The following ATP2B2 variants were observed in gnomAD, a reference collection of about 807,000 sequenced individuals.
ATP2B2 encodes ATPase plasma membrane Ca2+ transporting 2.
In ATP2B2, 15 loss-of-function variants were observed where a neutral mutation model predicts 120.0. The observed-to-expected ratio is 0.12, with a 90% CI of 0.08 to 0.19. The LOEUF (loss-of-function observed/expected upper bound fraction) is 0.19. Among genes scored for constraint, ATP2B2 ranks in the 10% least tolerant of loss-of-function variants. ATP2B2 has a pLI of 1.00. For missense variants in ATP2B2, 1,045 were observed against 1,719.8 expected, an observed-to-expected ratio of 0.61 and a Z score of 6.94; for synonymous variants, 694 against 700.3, an observed-to-expected ratio of 0.99 and a Z score of 0.14.
chr3:10,591,476 G>GA (rs1482001842), intron 2 of ATP2B2, among the ~76,000 whole-genome samples: 4 of 152,078 alleles, frequency 2.6e-5, no homozygotes, highest in Admixed American at 6.5e-5. Context: ...TCACCACTGT[G>GA]GCGCCCTGCT....
At chr3:10,425,131 A>T (rs971040618) in intron 2 of ATP2B2, among the ~76,000 whole-genome samples, 1 of 147,294 alleles carries the variant, frequency 6.8e-6, no homozygotes, top group Non-Finnish European at 1.5e-5. Context: ...TCTCTACTAA[A>T]ATATATATAT....
At chr3:10,488,187 A>G (rs1390592967) in intron 1 of ATP2B2, among the ~76,000 whole-genome samples, 1 of 149,158 alleles carries the variant, frequency 6.7e-6, no homozygotes, top group African/African-American at 2.5e-5. Context: ...CCACCCATCT[A>G]TCCATCCACC....
rs1337333315 is a variant in ATP2B2, at chr3:10,343,401, A to AC, written c.2704-437dup. Among the ~76,000 whole-genome samples, 6 of 25,168 alleles carry AC rather than the reference A, an allele frequency of 2.4e-4. No individual in the cohort carries two copies. The highest frequency in any genetic ancestry group is 7.6e-4 in the African/African-American group (5 of 6,550). 16.5% of individuals were successfully genotyped at this position (25,168 alleles called of 152,430 possible). ...ATCCTACAAACAGTGCCCGTCCCCC[A>AC]CCCCCCCAATGTCTCCTCCCCTCTT... is the stretch of plus-strand genomic sequence containing the variant. On this transcript the variant is annotated intron_variant, in intron 18 of 22. Coordinates refer to ENST00000360273, the MANE Select transcript of ATP2B2 (RefSeq NM_001001331.4). This position sits in a 1 kb window ranked among gnomAD's most constrained non-coding sequence, Gnocchi z 4.2.
intron 1 of ATP2B2, among the ~76,000 whole-genome samples, chr3:10,664,038 T>C (rs2070859611): frequency 6.6e-6 from 1 of 152,082 alleles, no homozygotes; most frequent in African/African-American, 2.4e-5. Flanking sequence ...CGTTGACTGC[T>C]CATGTCCACC....
rs1357704328 is a variant in ATP2B2, at chr3:10,402,257, A to G, written c.489T>C (p.Cys163=). ...EGAAILLSVI[C]VVLVTAFNDW... ...CATTGAAGGCCGTGACCAGGACCAC[A>G]CAGATAACTGAGAGGAGAATGGCGG... is the stretch of plus-strand genomic sequence containing the variant. The change falls in exon 4 of 23, where the codon TGT becomes TGC. Residue 163 remains cysteine, a synonymous_variant. Coordinates refer to ENST00000360273, the MANE Select transcript of ATP2B2 (RefSeq NM_001001331.4). This position sits in a 1 kb window ranked among gnomAD's most constrained non-coding sequence, Gnocchi z 4.9. 1 of 1,614,018 alleles carries G rather than the reference A, an allele frequency of 6.2e-7. No individual in the cohort carries two copies. The highest frequency in any genetic ancestry group is 8.5e-7 in the Non-Finnish European group (1 of 1,180,038).
At chr3:10,473,575 G>A (rs1258195389) in intron 1 of ATP2B2, among the ~76,000 whole-genome samples, 1 of 152,210 alleles carries the variant, frequency 6.6e-6, no homozygotes, top group East Asian at 1.9e-4. Context: ...AGTTGGCAGT[G>A]AGCCAAGATT....
At chr3:10,634,123 G>A (rs1177167458) in intron 1 of ATP2B2, among the ~76,000 whole-genome samples, 2 of 152,214 alleles carry the variant, frequency 1.3e-5, no homozygotes, top group African/African-American at 2.4e-5. Context: ...GCAACCATGA[G>A]GCTGACACAA....
At chr3:10,470,930 C>A (rs1260568229) in intron 1 of ATP2B2, among the ~76,000 whole-genome samples, 2 of 152,198 alleles carry the variant, frequency 1.3e-5, no homozygotes, top group East Asian at 3.8e-4. Context: ...TGACCTGGGA[C>A]CCACTGACAG....
intron 1 of ATP2B2, among the ~76,000 whole-genome samples, chr3:10,495,923 G>A (rs1047115811): frequency 2.6e-5 from 4 of 152,226 alleles, no homozygotes; most frequent in East Asian, 1.9e-4. Flanking sequence ...GGCTGCCTCC[G>A]CCTCCCAGCA....
chr3:10,367,712 G>A (rs1575032848), intron 12 of ATP2B2, among the ~76,000 whole-genome samples: 2 of 152,096 alleles, frequency 1.3e-5, no homozygotes, highest in East Asian at 3.9e-4. Flanking sequence ...ATCCTGGCTT[G>A]GCCTCAGATC....
At chr3:10,486,318 TGC>T (rs1488829643) in intron 1 of ATP2B2, among the ~76,000 whole-genome samples, 1 of 29,806 alleles carries the variant, frequency 3.4e-5, no homozygotes, top group African/African-American at 6.6e-5. Context: ...CAGGTGTGTG[TGC>T]GTGCGTGTGT....
chr3:10,413,143 C>A (rs71314401), intron 2 of ATP2B2, among the ~76,000 whole-genome samples: 1 of 152,250 alleles, frequency 6.6e-6, no homozygotes, highest in Non-Finnish European at 1.5e-5. Flanking sequence ...GTGGGCCTAG[C>A]CTGGTGCCAG....
At chr3:10,696,752 C>T (rs2071747691) in intron 1 of ATP2B2, among the ~76,000 whole-genome samples, 1 of 152,184 alleles carries the variant, frequency 6.6e-6, no homozygotes, top group Non-Finnish European at 1.5e-5. Context: ...CCATCCCAAT[C>T]CCTTTACTTT....
intron 2 of ATP2B2, among the ~76,000 whole-genome samples, chr3:10,428,403 C>T (rs1182998317): frequency 6.6e-6 from 1 of 152,152 alleles, no homozygotes; most frequent in Non-Finnish European, 1.5e-5. Flanking sequence ...GGAACTATTA[C>T]CCTCTCCTGC....
At chr3:10,621,936 A>C (rs1163001817) in intron 1 of ATP2B2, among the ~76,000 whole-genome samples, 1 of 152,210 alleles carries the variant, frequency 6.6e-6, no homozygotes, top group Non-Finnish European at 1.5e-5. Flanking sequence ...GCAGCGCCCC[A>C]TTAAGCTTTA....
chr3:10,390,230 T>C (rs557703144), intron 5 of ATP2B2, among the ~76,000 whole-genome samples: 2 of 152,266 alleles, frequency 1.3e-5, no homozygotes, highest in African/African-American at 4.8e-5. Context: ...CGAGACTAGG[T>C]GCCACTTCTT....
At chr3:10,477,806 G>A (rs1047646709) in intron 1 of ATP2B2, among the ~76,000 whole-genome samples, 5 of 152,210 alleles carry the variant, frequency 3.3e-5, no homozygotes, top group South Asian at 2.1e-4. Context: ...TGGACACTTC[G>A]ATTGTTCCCT....
chr3:10,492,178 G>A (rs1438016625), intron 1 of ATP2B2, among the ~76,000 whole-genome samples: 1 of 152,086 alleles, frequency 6.6e-6, no homozygotes, highest in East Asian at 1.9e-4. Context: ...GCCACCCTGT[G>A]GGTTGGGGAC....
intron 2 of ATP2B2, among the ~76,000 whole-genome samples, chr3:10,585,486 T>C (rs2068486227): frequency 2.3e-5 from 1 of 44,156 alleles, no homozygotes; most frequent in African/African-American, 1.2e-4. Flanking sequence ...AGAGCGAGAC[T>C]CCGTCTGAAA....
Sources: gnomAD v4.1 joint callset for allele counts (sites outside exome capture counted in the v4.1 genomes callset) on GRCh38, gnomAD v4.1.1 for gene constraint, Gnocchi (gnomAD v3.1) non-coding constraint, MANE v1.5 for transcripts, NCBI Gene and HGNC (gene_info 2026-07-23, HGNC 2026-07-21) for gene names.